Variants in ARHGAP15 observed in about 807,000 individuals in gnomAD.
ARHGAP15 encodes rho GTPase-activating protein 15.
Under a neutral mutation model 63.7 loss-of-function variants are expected in ARHGAP15, and 51 were observed. The ratio of observed to expected loss-of-function variants is 0.80; its 90% confidence interval spans 0.64 to 1.01. The LOEUF (loss-of-function observed/expected upper bound fraction) is 1.01. ARHGAP15 is among the 50% of genes least tolerant of loss of function. The probability of loss-of-function intolerance (pLI) is 0.00; values close to 1 mark genes in which losing one functional copy is unlikely to be tolerated. For missense variants in ARHGAP15, 560 were observed against 564.6 expected (o/e 0.99, Z 0.08); for synonymous variants, 191 against 193.8 (o/e 0.99, Z 0.12).
chr2:143,210,620 T>C lies in ARHGAP15; in HGVS notation c.235-5764T>C, dbSNP rs540698957. Among the ~76,000 whole-genome samples, 4 of 152,180 alleles carry C rather than the reference T, an allele frequency of 2.6e-5. No individual in the cohort carries two copies. The East Asian group carries it at 7.7e-4, about 29-fold the overall frequency. On this transcript the variant is annotated intron_variant, in intron 3 of 13. Coordinates refer to ENST00000295095, the MANE Select transcript of ARHGAP15 (RefSeq NM_018460.4). ...GCTGGACATGTTGTCTTATCCTAAGTGAGAGAAAGTAAGGGAGGGAGGCTA... is the reference window on the plus strand; with the variant it reads ...GCTGGACATGTTGTCTTATCCTAAGCGAGAGAAAGTAAGGGAGGGAGGCTA...
In ARHGAP15 at chr2:143,470,699, G is replaced by GTGTATATATATGTATATATGTGTA. The variant is rs1558993153; in HGVS notation, c.704-16673_704-16672insGTATATATATGTATATATGTGTAT. 2.0e-5 allele frequency among the ~76,000 whole-genome samples: 3 copies of GTGTATATATATGTATATATGTGTA among 147,952 alleles called. No homozygotes were observed. The East Asian group carries it at 6.1e-4, about 30-fold the overall frequency. On this transcript the variant is annotated intron_variant, in intron 8 of 13. Coordinates refer to ENST00000295095, the MANE Select transcript of ARHGAP15 (RefSeq NM_018460.4). The stretch of plus-strand genomic sequence containing the variant: ...TGTGTATATATATATGTATATATGT[G>GTGTATATATATGTATATATGTGTA]TATATATATGTGTTGCCTGGGTAAG...
intron 10 of ARHGAP15, among the ~76,000 whole-genome samples, chr2:143,539,406 T>G (rs1694939278): frequency 6.6e-6 from 1 of 152,176 alleles, no homozygotes; most frequent in Non-Finnish European, 1.5e-5. Flanking sequence ...CTTAGTTATT[T>G]CTTGCCTTCT....
At chr2:143,200,064 G>C (rs1692048659) in intron 2 of ARHGAP15, among the ~76,000 whole-genome samples, 1 of 152,138 alleles carries the variant, frequency 6.6e-6, no homozygotes, top group Admixed American at 6.6e-5. Flanking sequence ...TAGGTAAACA[G>C]CCAACAGTCA....
At chr2:143,165,282 C>T (rs1233092428) in intron 2 of ARHGAP15, among the ~76,000 whole-genome samples, 1 of 152,052 alleles carries the variant, frequency 6.6e-6, no homozygotes, top group Non-Finnish European at 1.5e-5. Context: ...GCCTTATGCT[C>T]TTACATTATC....
chr2:143,141,585 C>A (rs891638387), intron 1 of ARHGAP15, among the ~76,000 whole-genome samples: 5 of 152,004 alleles, frequency 3.3e-5, no homozygotes, highest in African/African-American at 1.2e-4. Context: ...ACTTGCTTAG[C>A]AAGAGCAAAG....
At chr2:143,424,989 C>T (rs1689082518) in intron 6 of ARHGAP15, among the ~76,000 whole-genome samples, 1 of 152,046 alleles carries the variant, frequency 6.6e-6, no homozygotes, top group African/African-American at 2.4e-5. Flanking sequence ...TGGTTTATAC[C>T]AGTTGTCCTG....
chr2:143,426,047 C>T (rs1320366854), intron 6 of ARHGAP15, among the ~76,000 whole-genome samples: 1 of 152,122 alleles, frequency 6.6e-6, no homozygotes, highest in Non-Finnish European at 1.5e-5. Flanking sequence ...AGGGCCATTC[C>T]TAGTTCTGCT....
At chr2:143,325,901 T>TA (rs1226587237) in intron 6 of ARHGAP15, among the ~76,000 whole-genome samples, 3 of 152,114 alleles carry the variant, frequency 2.0e-5, no homozygotes, top group Non-Finnish European at 4.4e-5. Flanking sequence ...TGATGACAAG[T>TA]AAAAAAGGAA....
intron 6 of ARHGAP15, among the ~76,000 whole-genome samples, chr2:143,300,840 G>T (rs1405098282): frequency 1.3e-5 from 2 of 151,950 alleles, no homozygotes; most frequent in African/African-American, 2.4e-5. Context: ...GGCACTCTTG[G>T]GTGTGTTACA....
intron 2 of ARHGAP15, among the ~76,000 whole-genome samples, chr2:143,201,384 A>G (rs1298942713): frequency 6.6e-6 from 1 of 152,048 alleles, no homozygotes; most frequent in Non-Finnish European, 1.5e-5. Flanking sequence ...TTAGGGGTAC[A>G]TAATGGGCAT....
At chr2:143,413,971 G>GCGTGCGCGCA (rs147891307) in intron 6 of ARHGAP15, among the ~76,000 whole-genome samples, 5 of 147,640 alleles carry the variant, frequency 3.4e-5, no homozygotes, top group Admixed American at 6.8e-5. Flanking sequence ...GTGTGTGCGC[G>GCGTGCGCGCA]CTCTCTGGCA....
At chr2:143,395,548 G>A (rs752535921) in intron 6 of ARHGAP15, among the ~76,000 whole-genome samples, 2 of 152,084 alleles carry the variant, frequency 1.3e-5, no homozygotes, top group Non-Finnish European at 2.9e-5. Flanking sequence ...GATATAAAAA[G>A]CAAAGGAACA....
At chr2:143,211,274 T>TAAAG (rs1415496759) in intron 3 of ARHGAP15, among the ~76,000 whole-genome samples, 2 of 138,534 alleles carry the variant, frequency 1.4e-5, no homozygotes, top group Non-Finnish European at 3.0e-5. Context: ...AATAAATAAA[T>TAAAG]AAAAGCAATA....
chr2:143,272,584 C>T (rs1681341581), intron 6 of ARHGAP15, among the ~76,000 whole-genome samples: 1 of 152,080 alleles, frequency 6.6e-6, no homozygotes, highest in Admixed American at 6.5e-5. Flanking sequence ...TCCCAGGAGA[C>T]AGAGATTGCA....
At chr2:143,399,256 A>G (rs977691461) in intron 6 of ARHGAP15, among the ~76,000 whole-genome samples, 5 of 151,366 alleles carry the variant, frequency 3.3e-5, no homozygotes, top group African/African-American at 1.2e-4. Context: ...CCCTTATACA[A>G]TTATTACTTT....
chr2:143,413,971 G>GCGTGCGCGCGCGCA (rs147891307), intron 6 of ARHGAP15, among the ~76,000 whole-genome samples: 1 of 147,640 alleles, frequency 6.8e-6, no homozygotes, highest in Non-Finnish European at 1.5e-5. Flanking sequence ...GTGTGTGCGC[G>GCGTGCGCGCGCGCA]CTCTCTGGCA....
chr2:143,339,964 T>A (rs896057144), intron 6 of ARHGAP15, among the ~76,000 whole-genome samples: 1 of 152,126 alleles, frequency 6.6e-6, no homozygotes, highest in African/African-American at 2.4e-5. Flanking sequence ...AACAAACCAG[T>A]CATTTTATTC....
chr2:143,234,928 G>C (rs1693584200), intron 5 of ARHGAP15, among the ~76,000 whole-genome samples: 1 of 151,914 alleles, frequency 6.6e-6, no homozygotes, highest in Non-Finnish European at 1.5e-5. Context: ...TCTTTTAAGG[G>C]GTAATTTTAA....
chr2:143,196,298 T>C (rs771171810), intron 2 of ARHGAP15, among the ~76,000 whole-genome samples: 5 of 151,994 alleles, frequency 3.3e-5, no homozygotes, highest in Non-Finnish European at 5.9e-5. Context: ...GTCAGAAGAA[T>C]TTTATATTTC....
Sources: allele counts gnomAD v4.1 joint callset (sites outside exome capture counted in the v4.1 genomes callset), GRCh38; gene constraint gnomAD v4.1.1; transcripts MANE v1.5; gene names NCBI Gene and HGNC (gene_info 2026-07-23, HGNC 2026-07-21).